Variants in ZNF385D observed in about 807,000 individuals in gnomAD.
The protein encoded by ZNF385D is zinc finger protein 659.
In ZNF385D, 15 loss-of-function variants were observed where a neutral mutation model predicts 35.8. The observed-to-expected ratio is 0.42, with a 90% CI of 0.28 to 0.64. ZNF385D has a LOEUF of 0.64. Ranked by LOEUF, ZNF385D falls within the 30% of genes least tolerant of loss-of-function variation. ZNF385D has a pLI of 0.23. For synonymous variants in ZNF385D, 212 were observed against 186.8 expected (o/e 1.13, Z -1.10); for missense variants, 474 against 494.6 (o/e 0.96, Z 0.39).
At chr3:21,968,744 G>C (rs1703057236) in intron 3 of ZNF385D, among the ~76,000 whole-genome samples, 1 of 152,278 alleles carries the variant, frequency 6.6e-6, no homozygotes, top group South Asian at 2.1e-4. Context: ...CGTGGACCTT[G>C]GGTGAAACTC....
intron 3 of ZNF385D, among the ~76,000 whole-genome samples, chr3:21,519,581 G>A (rs746474837): frequency 6.6e-6 from 1 of 152,162 alleles, no homozygotes; most frequent in African/African-American, 2.4e-5. Context: ...GAGGAACAGA[G>A]GATAGCAGTG....
chr3:21,762,778 T>C (rs1291974054), intron 3 of ZNF385D, among the ~76,000 whole-genome samples: 2 of 152,180 alleles, frequency 1.3e-5, no homozygotes, highest in African/African-American at 4.8e-5. Context: ...TGGCCCTTGG[T>C]CGTGGACCAT....
intron 1 of ZNF385D, among the ~76,000 whole-genome samples, chr3:21,723,814 T>C (rs1301003930): frequency 6.6e-6 from 1 of 151,862 alleles, no homozygotes; most frequent in Non-Finnish European, 1.5e-5. Flanking sequence ...ACGAAGATAC[T>C]CCTTGAGAAG....
At chr3:21,713,212 C>G (rs1418118499) in intron 1 of ZNF385D, among the ~76,000 whole-genome samples, 1 of 152,188 alleles carries the variant, frequency 6.6e-6, no homozygotes, top group Non-Finnish European at 1.5e-5. Context: ...GTGCAAAGAA[C>G]AAGAAGAGCC....
At chr3:21,481,012 G>T (rs1704592956) in intron 4 of ZNF385D, among the ~76,000 whole-genome samples, 1 of 152,068 alleles carries the variant, frequency 6.6e-6, no homozygotes, top group African/African-American at 2.4e-5. Flanking sequence ...ACATATGTGA[G>T]TTGATTAACT....
chr3:21,542,699 A>T (rs1261357638), intron 3 of ZNF385D: 1 of 152,192 alleles, frequency 6.6e-6, no homozygotes, highest in Non-Finnish European at 1.5e-5. Context: ...ACTGAGGTGT[A>T]GCCTCAGGAA....
intron 2 of ZNF385D, among the ~76,000 whole-genome samples, chr3:21,602,208 T>C (rs868316004): frequency 1.3e-5 from 2 of 152,064 alleles, no homozygotes; most frequent in Admixed American, 1.3e-4. Context: ...ACTGCCCCCA[T>C]GATTCAATTA....
chr3:22,348,272 T>C (rs1356284845), intron 2 of ZNF385D, among the ~76,000 whole-genome samples: 2 of 152,036 alleles, frequency 1.3e-5, no homozygotes, highest in African/African-American at 4.8e-5. Context: ...ATGTGACTAT[T>C]TTAGGATAAC....
At chr3:22,325,525 A>G (rs1050921551) in intron 2 of ZNF385D, among the ~76,000 whole-genome samples, 1 of 152,174 alleles carries the variant, frequency 6.6e-6, no homozygotes, top group African/African-American at 2.4e-5. Flanking sequence ...GCACCTTGGG[A>G]CGCTGAGGTG....
intron 4 of ZNF385D, among the ~76,000 whole-genome samples, chr3:21,503,873 T>G (rs1451151731): frequency 6.6e-6 from 1 of 152,306 alleles, no homozygotes; most frequent in East Asian, 1.9e-4. Flanking sequence ...TTCCTTTGCA[T>G]TCATAGACCT....
intron 2 of ZNF385D, among the ~76,000 whole-genome samples, chr3:22,262,635 T>G (rs1409590811): frequency 2.0e-5 from 3 of 151,956 alleles, no homozygotes; most frequent in Non-Finnish European, 2.9e-5. Context: ...GAGTCTCGAT[T>G]TAGAGTCTAA....
chr3:21,896,140 T>C (rs186541167), intron 3 of ZNF385D, among the ~76,000 whole-genome samples: 1 of 152,244 alleles, frequency 6.6e-6, no homozygotes, highest in Admixed American at 6.5e-5. Context: ...AAGAGAGATG[T>C]TGTGACTCTA....
intron 3 of ZNF385D, among the ~76,000 whole-genome samples, chr3:22,147,680 G>A (rs576505871): frequency 2.6e-5 from 4 of 152,274 alleles, no homozygotes; most frequent in Admixed American, 2.6e-4. Context: ...AGGCAGTCAA[G>A]GATACTGAGG....
chr3:21,726,323 G>T (rs2068763953), intron 1 of ZNF385D, among the ~76,000 whole-genome samples: 1 of 152,140 alleles, frequency 6.6e-6, no homozygotes, highest in South Asian at 2.1e-4. Flanking sequence ...GGAAGTTCTG[G>T]CCAGGGCAAT....
chr3:22,102,210 T>C (rs1576322938), intron 3 of ZNF385D, among the ~76,000 whole-genome samples: 1 of 152,118 alleles, frequency 6.6e-6, no homozygotes, highest in South Asian at 2.1e-4. Flanking sequence ...GGAGTACTTC[T>C]AACATTAGTC....
intron 4 of ZNF385D, among the ~76,000 whole-genome samples, chr3:21,441,977 C>T (rs1468930586): frequency 6.6e-6 from 1 of 152,104 alleles, no homozygotes; most frequent in Admixed American, 6.6e-5. Context: ...CTGCAACTGT[C>T]ACTATTTGGC....
chr3:22,248,254 C>T (rs769808371), intron 2 of ZNF385D, among the ~76,000 whole-genome samples: 11 of 152,186 alleles, frequency 7.2e-5, no homozygotes, highest in Non-Finnish European at 1.6e-4. Flanking sequence ...GTAGTGACCA[C>T]ATGTCTGTAC....
intron 2 of ZNF385D, among the ~76,000 whole-genome samples, chr3:21,602,588 A>G (rs977966994): frequency 3.8e-4 from 49 of 128,092 alleles, no homozygotes; most frequent in East Asian, 1.5e-3. Flanking sequence ...TGCGGACTGC[A>G]GTGGCGCAAT....
rs377415075 is a variant in ZNF385D, at chr3:21,419,879, C to A, written c.*1335G>T. On this transcript the variant is annotated 3_prime_UTR_variant, in exon 8 of 8. Coordinates refer to ENST00000281523, the MANE Select transcript of ZNF385D (RefSeq NM_024697.3). The stretch of plus-strand genomic sequence containing the variant: ...ACAATATACATATATTTATATATAC[C>A]CCTGATAAATCTTGTTTTAAAGGTA... 1 of 151,090 alleles carries A rather than the reference C, an allele frequency of 6.6e-6. No individual in the cohort carries two copies. Among genetic ancestry groups the A allele is most frequent in the East Asian group, 1.9e-4 (1 of 5,152 alleles). 9.4% of individuals were successfully genotyped at this position (151,090 alleles called of 1,614,324 possible). A position where few individuals can be genotyped will look rare whatever the true frequency, so the allele number is the denominator to read the frequency against.
Sources: allele counts gnomAD v4.1 joint callset (sites outside exome capture counted in the v4.1 genomes callset), GRCh38; gene constraint gnomAD v4.1.1; transcripts MANE v1.5; gene names NCBI Gene and HGNC (gene_info 2026-07-23, HGNC 2026-07-21).